Variants in RNF152 observed in about 807,000 individuals in gnomAD.
RNF152 encodes the protein ring finger protein 152.
In RNF152, 11 loss-of-function variants were observed where a neutral mutation model predicts 12.7. That is an observed-to-expected ratio of 0.86 (90% CI 0.54 to 1.43). RNF152 has a LOEUF of 1.43. Ranked by LOEUF, RNF152 falls within the 40% of genes most tolerant of loss-of-function variation. The pLI is 0.00. For synonymous variants in RNF152, 113 were observed against 120.3 expected (o/e 0.94, Z 0.40); for missense variants, 255 against 274.8 (o/e 0.93, Z 0.51).
rs1199529557 is a variant in RNF152, at chr18:61,815,957, C to T, written c.507G>A (p.Val169=). Residue 169 remains valine, a synonymous_variant, in exon 2 of 2, where the codon GTG becomes GTA. Coordinates refer to ENST00000312828, the MANE Select transcript of RNF152 (RefSeq NM_173557.3). ...CGCAAGCCACCAAGATGACAGTGCA[C>T]ACCCCCGACCAGGTGGAGCTTTTCA... ...GVVKSSTWSG[V]CTVILVACVL... is the part of the protein sequence containing the mutation. The T allele has an allele frequency of 6.2e-7, 1 of 1,614,240 alleles. No individual in the cohort carries two copies. Among genetic ancestry groups the T allele is most frequent in the African/African-American group, 1.3e-5 (1 of 75,066 alleles).
At chr18:61,871,372 C>T (rs1034459872) in intron 1 of RNF152, among the ~76,000 whole-genome samples, 1 of 152,124 alleles carries the variant, frequency 6.6e-6, no homozygotes, top group Admixed American at 6.5e-5. Flanking sequence ...CTTAAAACAG[C>T]ACCAGATACC....
chr18:61,865,865 T>C (rs977400975), intron 1 of RNF152, among the ~76,000 whole-genome samples: 6 of 152,210 alleles, frequency 3.9e-5, no homozygotes, highest in Non-Finnish European at 7.3e-5. Flanking sequence ...TATTTTCTTT[T>C]AGTTTGCAAG....
chr18:61,852,425 A>G (rs1342491568), intron 1 of RNF152, among the ~76,000 whole-genome samples: 5 of 152,148 alleles, frequency 3.3e-5, no homozygotes, highest in Non-Finnish European at 5.9e-5. Flanking sequence ...TGGGTAATAA[A>G]TACTTTTGTA....
At chr18:61,884,766 C>T (rs1912615120) in intron 1 of RNF152, among the ~76,000 whole-genome samples, 1 of 152,190 alleles carries the variant, frequency 6.6e-6, no homozygotes, top group Non-Finnish European at 1.5e-5. Flanking sequence ...TCCATGTTGG[C>T]CAGGCTGGTC....
chr18:61,816,558 G>T lies in RNF152; in HGVS notation c.-95C>A. 1 of 1,388,054 alleles carries T rather than the reference G, an allele frequency of 7.2e-7. No individual in the cohort carries two copies. Among genetic ancestry groups the T allele is most frequent in the Non-Finnish European group, 9.8e-7 (1 of 1,015,448 alleles). 86.0% of individuals were successfully genotyped at this position (1,388,054 alleles called of 1,614,324 possible). On this transcript the variant is annotated 5_prime_UTR_variant, in exon 2 of 2. Transcript: ENST00000312828. ...CTGTGTCTTTGCAGTGCAGGTAATG[G>T]CAAGCTCACAGGCATCCAGTACTCA... is the stretch of plus-strand genomic sequence containing the variant.
At position 61,808,241 on chromosome 18, in the gene RNF152, A is replaced by G. The variant is rs1179749547; in HGVS notation, c.*7611T>C. On this transcript the variant is annotated 3_prime_UTR_variant, in exon 2 of 2. Coordinates refer to ENST00000312828, the MANE Select transcript of RNF152 (RefSeq NM_173557.3). Reference sequence around the variant, plus strand: ...CTGGCTAAGACACCATCTATAACAGAGAGAGCAAGCAAGAATGCTTTTAAG... The same window carrying G: ...CTGGCTAAGACACCATCTATAACAGGGAGAGCAAGCAAGAATGCTTTTAAG... 1 of 152,122 alleles carries G rather than the reference A, an allele frequency of 6.6e-6. No homozygotes were observed. The highest frequency in any genetic ancestry group is 1.5e-5 in the Non-Finnish European group (1 of 68,030). 9.4% of individuals were successfully genotyped at this position (152,122 alleles called of 1,614,324 possible).
At chr18:61,861,080 C>T (rs909860367) in intron 1 of RNF152, among the ~76,000 whole-genome samples, 4 of 152,086 alleles carry the variant, frequency 2.6e-5, no homozygotes, top group African/African-American at 7.2e-5. Flanking sequence ...TAAAAAGTTA[C>T]AGTAAGCTAA....
At chr18:61,857,525 A>G (rs1911279412) in intron 1 of RNF152, among the ~76,000 whole-genome samples, 1 of 152,228 alleles carries the variant, frequency 6.6e-6, no homozygotes, top group Non-Finnish European at 1.5e-5. Context: ...GCAACAGGCA[A>G]GAGAATGTTC....
At chr18:61,868,559 C>T (rs866777544) in intron 1 of RNF152, among the ~76,000 whole-genome samples, 5 of 152,140 alleles carry the variant, frequency 3.3e-5, no homozygotes, top group African/African-American at 9.6e-5. Flanking sequence ...AAAAATTAGC[C>T]GGGCGTCATG....
At position 61,808,083 on chromosome 18, in the gene RNF152, GA is replaced by G. The variant is rs1912776358; in HGVS notation, c.*7768del. 6.6e-6 allele frequency: 1 copy of G among 151,898 alleles called. No individual in the cohort carries two copies. Among genetic ancestry groups the G allele is most frequent in the South Asian group, 2.1e-4 (1 of 4,814 alleles). The allele number at this position is 151,898 out of a possible 1,614,324, so 9.4% of individuals were successfully genotyped here. On this transcript the variant is annotated 3_prime_UTR_variant, in exon 2 of 2. Coordinates refer to ENST00000312828, the MANE Select transcript of RNF152 (RefSeq NM_173557.3). Reference sequence around the variant, plus strand: ...GTGAGTCTATTTGAAATCATTTTATGAACTTTAATCATAGCAAATGTGTTTT... The same window carrying G: ...GTGAGTCTATTTGAAATCATTTTATGACTTTAATCATAGCAAATGTGTTTT...
At chr18:61,844,086 GAAA>G (rs1910596788) in intron 1 of RNF152, among the ~76,000 whole-genome samples, 12 of 63,794 alleles carry the variant, frequency 1.9e-4, no homozygotes, top group African/African-American at 6.4e-4. Flanking sequence ...AGGAAAGAAA[GAAA>G]GAAAGAAAGA....
intron 1 of RNF152, among the ~76,000 whole-genome samples, chr18:61,830,927 G>A (rs1233626429): frequency 6.6e-6 from 1 of 152,168 alleles, no homozygotes. Flanking sequence ...GCAAAGTCCT[G>A]ACTTGTATGT....
At chr18:61,862,509 C>T (rs559978204) in intron 1 of RNF152, among the ~76,000 whole-genome samples, 35 of 152,268 alleles carry the variant, frequency 2.3e-4, no homozygotes, top group African/African-American at 8.4e-4. Context: ...CCACCCTGTG[C>T]CCTGGGGACA....
chr18:61,862,328 A>G (rs1911523540), intron 1 of RNF152, among the ~76,000 whole-genome samples: 1 of 152,234 alleles, frequency 6.6e-6, no homozygotes. Context: ...CATTTCACAC[A>G]CGAGGAAACT....
intron 1 of RNF152, among the ~76,000 whole-genome samples, chr18:61,831,310 G>C (rs930211867): frequency 2.6e-5 from 4 of 152,134 alleles, no homozygotes; most frequent in Non-Finnish European, 5.9e-5. Flanking sequence ...GAATCAGCTC[G>C]GGGAAATGCT....
At chr18:61,862,143 T>TC (rs1911516655) in intron 1 of RNF152, among the ~76,000 whole-genome samples, 1 of 152,118 alleles carries the variant, frequency 6.6e-6, no homozygotes, top group South Asian at 2.1e-4. Context: ...GAGGCTTTTT[T>TC]CTCCCTTTTT....
chr18:61,854,871 A>G (rs1437736756), intron 1 of RNF152, among the ~76,000 whole-genome samples: 1 of 152,232 alleles, frequency 6.6e-6, no homozygotes, highest in East Asian at 1.9e-4. Context: ...GCGGAAAAAA[A>G]TCAATGTCAC....
intron 1 of RNF152, among the ~76,000 whole-genome samples, chr18:61,838,616 T>G (rs1008247624): frequency 1.4e-4 from 21 of 152,130 alleles, no homozygotes; most frequent in Admixed American, 1.4e-3. Context: ...AAAGCATCTA[T>G]AGATAGCCAC....
intron 1 of RNF152, among the ~76,000 whole-genome samples, chr18:61,867,896 C>T (rs1911810697): frequency 6.6e-6 from 1 of 152,176 alleles, no homozygotes; most frequent in East Asian, 1.9e-4. Context: ...TATAAAAATA[C>T]ACAAAACGCA....
Sources: gnomAD v4.1 joint callset for allele counts (sites outside exome capture counted in the v4.1 genomes callset) on GRCh38, gnomAD v4.1.1 for gene constraint, MANE v1.5 for transcripts, NCBI Gene and HGNC (gene_info 2026-07-23, HGNC 2026-07-21) for gene names.